Variants in FSTL5 observed in about 807,000 individuals in gnomAD.
FSTL5 encodes the protein follistatin-related protein 5.
FSTL5 carries 62 observed loss-of-function variants against 89.1 expected under a neutral mutation model. That is an observed-to-expected ratio of 0.70 (90% confidence interval 0.57 to 0.86). The LOEUF is 0.86. FSTL5 is among the 40% of genes least tolerant of loss of function. The pLI is 0.00. For synonymous variants in FSTL5, 383 were observed against 346.2 expected (o/e 1.11, Z -1.18); for missense variants, 1,057 against 1,001.6 (o/e 1.06, Z -0.75).
At chr4:161,831,444 T>C (rs1730841663) in intron 4 of FSTL5, among the ~76,000 whole-genome samples, 1 of 151,892 alleles carries the variant, frequency 6.6e-6, no homozygotes, top group South Asian at 2.1e-4. Context: ...TGTGGCATTT[T>C]TGAGGAGGCA....
intron 4 of FSTL5, among the ~76,000 whole-genome samples, chr4:161,878,728 A>G (rs141263257): frequency 1.9e-4 from 29 of 152,162 alleles, no homozygotes; most frequent in African/African-American, 6.0e-4. Context: ...TTTACTATAT[A>G]TTAGTGTTCC....
chr4:161,469,755 A>G (rs1020317104), intron 13 of FSTL5, among the ~76,000 whole-genome samples: 3 of 151,360 alleles, frequency 2.0e-5, no homozygotes, highest in Admixed American at 1.3e-4. Context: ...CTCCTGCCTC[A>G]GCCTCCTGAG....
chr4:161,819,307 T>A (rs928983671), intron 4 of FSTL5, among the ~76,000 whole-genome samples: 2 of 151,932 alleles, frequency 1.3e-5, no homozygotes, highest in African/African-American at 2.4e-5. Context: ...TAAGCAATAG[T>A]TTTTTTTGTA....
At chr4:161,901,307 A>G (rs778017480) in intron 4 of FSTL5, among the ~76,000 whole-genome samples, 4 of 152,160 alleles carry the variant, frequency 2.6e-5, no homozygotes, top group Non-Finnish European at 5.9e-5. Context: ...TTGAGTCCTG[A>G]GTGAAGTGAG....
At chr4:161,835,027 G>A (rs957612635) in intron 4 of FSTL5, among the ~76,000 whole-genome samples, 1 of 145,046 alleles carries the variant, frequency 6.9e-6, no homozygotes, top group African/African-American at 2.7e-5. Context: ...AAAGCTGGAG[G>A]CATCATGATA....
At chr4:162,065,497 A>T (rs1578998795) in intron 2 of FSTL5, among the ~76,000 whole-genome samples, 1 of 152,160 alleles carries the variant, frequency 6.6e-6, no homozygotes, top group East Asian at 1.9e-4. Flanking sequence ...ATTCAAAACC[A>T]AAATGAGATA....
chr4:161,464,476 C>T (rs1392882278), intron 13 of FSTL5, among the ~76,000 whole-genome samples: 2 of 152,122 alleles, frequency 1.3e-5, no homozygotes, highest in Admixed American at 1.3e-4. Flanking sequence ...TTTCCCAAGC[C>T]CTCCTGTCCT....
intron 15 of FSTL5, among the ~76,000 whole-genome samples, chr4:161,400,577 A>G (rs906501555): frequency 6.6e-6 from 1 of 152,230 alleles, no homozygotes; most frequent in Non-Finnish European, 1.5e-5. Flanking sequence ...ATATTTGTAA[A>G]TAAAAAGATT....
intron 6 of FSTL5, among the ~76,000 whole-genome samples, chr4:161,697,877 G>A (rs1579030077): frequency 6.6e-6 from 1 of 152,026 alleles, no homozygotes; most frequent in Non-Finnish European, 1.5e-5. Context: ...GCCCCCCAAC[G>A]CCTGCTGCCA....
intron 2 of FSTL5, among the ~76,000 whole-genome samples, chr4:162,066,355 C>CTTGTTCTT (rs1553996329): frequency 4.9e-5 from 3 of 61,180 alleles, no homozygotes; most frequent in African/African-American, 1.8e-4. Context: ...TTCTTCTTCT[C>CTTGTTCTT]CTTCTTCTTC....
intron 2 of FSTL5, among the ~76,000 whole-genome samples, chr4:162,076,348 T>C (rs1350785265): frequency 6.6e-6 from 1 of 151,932 alleles, no homozygotes; most frequent in East Asian, 1.9e-4. Context: ...CAAGAATCTT[T>C]GTATAACGCA....
chr4:162,029,804 C>T (rs1386806829), intron 3 of FSTL5, among the ~76,000 whole-genome samples: 1 of 151,586 alleles, frequency 6.6e-6, no homozygotes, highest in Non-Finnish European at 1.5e-5. Context: ...TCACTAATAA[C>T]AGTATGCTAA....
intron 3 of FSTL5, among the ~76,000 whole-genome samples, chr4:161,962,460 G>C (rs1311380489): frequency 6.6e-6 from 1 of 151,700 alleles, no homozygotes; most frequent in East Asian, 1.9e-4. Context: ...CCCTCTAATT[G>C]ATACCTTGCT....
At chr4:162,121,988 C>T (rs75882418) in intron 1 of FSTL5, among the ~76,000 whole-genome samples, 21,010 of 151,920 alleles carry the variant, frequency 0.14, 2,023 homozygotes, top group Non-Finnish European at 0.19. Flanking sequence ...AAGAATATAA[C>T]ATATATTAAC....
chr4:161,426,684 C>T (rs1277262194), intron 15 of FSTL5, among the ~76,000 whole-genome samples: 4 of 152,106 alleles, frequency 2.6e-5, no homozygotes, highest in East Asian at 3.9e-4. Flanking sequence ...CTCTGCCTCT[C>T]GGGTTCAAGT....
intron 5 of FSTL5, among the ~76,000 whole-genome samples, chr4:161,762,828 A>G (rs1282904544): frequency 6.6e-6 from 1 of 152,172 alleles, no homozygotes; most frequent in Non-Finnish European, 1.5e-5. Flanking sequence ...TTCACTGATC[A>G]GAAGTCAAGT....
At chr4:162,075,215 T>C (rs1729789051) in intron 2 of FSTL5, among the ~76,000 whole-genome samples, 1 of 151,790 alleles carries the variant, frequency 6.6e-6, no homozygotes, top group African/African-American at 2.4e-5. Context: ...TCTCAACCCC[T>C]TGTCCATTCT....
At chr4:161,847,189 T>A (rs1017690527) in intron 4 of FSTL5, among the ~76,000 whole-genome samples, 3 of 152,172 alleles carry the variant, frequency 2.0e-5, no homozygotes, top group African/African-American at 7.2e-5. Context: ...AATATCAGGG[T>A]AAAATAAATC....
At chr4:161,476,196 T>G (rs1336822725) in intron 13 of FSTL5, among the ~76,000 whole-genome samples, 1 of 132,036 alleles carries the variant, frequency 7.6e-6, no homozygotes, top group African/African-American at 2.9e-5. Flanking sequence ...TTTGTTTGTT[T>G]GTTTTTTTGA....
Sources: allele counts gnomAD v4.1 joint callset (sites outside exome capture counted in the v4.1 genomes callset), GRCh38; gene constraint gnomAD v4.1.1; transcripts MANE v1.5; gene names NCBI Gene and HGNC (gene_info 2026-07-23, HGNC 2026-07-21).